Variants in NELL1 observed in about 807,000 individuals in gnomAD.
NELL1 encodes the protein protein kinase C-binding protein NELL1.
Under a neutral mutation model 107.4 loss-of-function variants are expected in NELL1, and 76 were observed. That is an observed-to-expected ratio of 0.71 (90% CI 0.59 to 0.86). The LOEUF is 0.86. NELL1 is among the 40% of genes least tolerant of loss of function. The pLI, the probability that NELL1 is intolerant of heterozygous loss-of-function variation, is 0.00. For missense variants in NELL1, 1,024 were observed against 1,005.5 expected (o/e 1.02, Z -0.25); for synonymous variants, 353 against 341.2 (o/e 1.03, Z -0.38).
Position 21,012,849 on chromosome 11 carries a change from A to G in NELL1, c.1300+52289A>G, listed in dbSNP as rs535979941. Among the ~76,000 whole-genome samples the G allele has an allele frequency of 4.1e-4, 62 of 152,218 alleles. No homozygotes were observed. In the South Asian group the frequency reaches 7.2e-3, roughly 18 times the overall value. ...CTGATCCATCAGAATGCAGGGTCTG[A>G]AAAATACCTCAAACACCAATCTTAG... On this transcript the variant is annotated intron_variant, in intron 12 of 19. Transcript: ENST00000357134.
intron 14 of NELL1, among the ~76,000 whole-genome samples, chr11:21,299,968 A>C (rs2133970434): frequency 6.6e-6 from 1 of 152,178 alleles, no homozygotes; most frequent in African/African-American, 2.4e-5. Flanking sequence ...AGCTTAAGTA[A>C]TAAACAGGAC....
At chr11:21,353,827 GA>G (rs1850870167) in intron 14 of NELL1, among the ~76,000 whole-genome samples, 1 of 152,084 alleles carries the variant, frequency 6.6e-6, no homozygotes, top group Admixed American at 6.6e-5. Context: ...TTCAAACATG[GA>G]ATTAAAAGTA....
intron 13 of NELL1, among the ~76,000 whole-genome samples, chr11:21,124,993 T>C (rs1855457389): frequency 6.6e-6 from 1 of 152,028 alleles, no homozygotes; most frequent in Non-Finnish European, 1.5e-5. Flanking sequence ...ACCTAATCAC[T>C]CCCAAGGCCC....
At chr11:21,520,576 A>G (rs1855695426) in intron 15 of NELL1, among the ~76,000 whole-genome samples, 1 of 152,172 alleles carries the variant, frequency 6.6e-6, no homozygotes, top group South Asian at 2.1e-4. Flanking sequence ...AATATTGCTT[A>G]GTTGCATGGA....
intron 2 of NELL1, among the ~76,000 whole-genome samples, chr11:20,698,823 T>A (rs1453427918): frequency 2.0e-5 from 3 of 152,152 alleles, no homozygotes; most frequent in Admixed American, 1.3e-4. Flanking sequence ...GTCCCCGAAG[T>A]CCATTATATT....
At chr11:20,733,705 A>G (rs1855697867) in intron 2 of NELL1, among the ~76,000 whole-genome samples, 2 of 152,248 alleles carry the variant, frequency 1.3e-5, no homozygotes, top group Admixed American at 1.3e-4. Context: ...AAATCAGAAG[A>G]GAGAGAAAAC....
chr11:20,986,253 G>A (rs1851850594), intron 12 of NELL1, among the ~76,000 whole-genome samples: 1 of 152,150 alleles, frequency 6.6e-6, no homozygotes, highest in Non-Finnish European at 1.5e-5. Flanking sequence ...GTTAGATCAG[G>A]ACTTTTCAGA....
chr11:20,866,871 C>T (rs572412817), intron 4 of NELL1, among the ~76,000 whole-genome samples: 19 of 152,168 alleles, frequency 1.2e-4, no homozygotes, highest in Non-Finnish European at 2.2e-4. Context: ...ATCAGCTCCT[C>T]GAACTTATTT....
chr11:21,522,585 T>G (rs1164434487), intron 15 of NELL1, among the ~76,000 whole-genome samples: 2 of 151,430 alleles, frequency 1.3e-5, no homozygotes, highest in Non-Finnish European at 2.9e-5. Flanking sequence ...GGAGGGGAGG[T>G]GGATGATGAG....
chr11:21,526,507 A>G (rs1855859611), intron 15 of NELL1, among the ~76,000 whole-genome samples: 1 of 152,200 alleles, frequency 6.6e-6, no homozygotes, highest in African/African-American at 2.4e-5. Flanking sequence ...GGGAGTCTGT[A>G]TGGGGGCTCC....
intron 4 of NELL1, among the ~76,000 whole-genome samples, chr11:20,862,266 C>T (rs1255188715): frequency 3.3e-5 from 5 of 150,638 alleles, no homozygotes. Flanking sequence ...AAGCTAATAC[C>T]AGTATCTGGT....
At chr11:20,674,417 C>G (rs1853998248) in intron 1 of NELL1, 1 of 1,209,132 alleles carries the variant, frequency 8.3e-7, no homozygotes, top group South Asian at 1.3e-5. Context: ...TCCCCGAGTC[C>G]TCATGAGTCT....
intron 15 of NELL1, among the ~76,000 whole-genome samples, chr11:21,531,350 C>G (rs1449348952): frequency 6.6e-6 from 1 of 152,048 alleles, no homozygotes; most frequent in Non-Finnish European, 1.5e-5. Context: ...TGTAAATAAT[C>G]CTTTCTTGAT....
chr11:20,680,114 C>T (rs76062984), intron 2 of NELL1, among the ~76,000 whole-genome samples: 5,511 of 152,104 alleles, frequency 0.036, 351 homozygotes, highest in African/African-American at 0.13. Flanking sequence ...TGATTATATT[C>T]GGCTCACCTA....
chr11:21,407,693 C>T (rs1564879849), intron 15 of NELL1, among the ~76,000 whole-genome samples: 1 of 134,120 alleles, frequency 7.5e-6, no homozygotes, highest in East Asian at 2.2e-4. Flanking sequence ...CTCCAAATTA[C>T]CTTTTTTTTT....
intron 13 of NELL1, among the ~76,000 whole-genome samples, chr11:21,147,836 C>CA (rs35688285): frequency 0.22 from 6,488 of 28,974 alleles, 1,548 homozygotes; most frequent in East Asian, 0.31. Context: ...AACTCCGTCT[C>CA]AAAAAAAAAA....
chr11:21,021,710 A>G (rs1416929346), intron 12 of NELL1, among the ~76,000 whole-genome samples: 1 of 152,094 alleles, frequency 6.6e-6, no homozygotes, highest in Non-Finnish European at 1.5e-5. Flanking sequence ...TGATAGGCCC[A>G]TTTGCAAATC....
chr11:20,711,364 T>A (rs1489263175), intron 2 of NELL1, among the ~76,000 whole-genome samples: 1 of 152,194 alleles, frequency 6.6e-6, no homozygotes, highest in African/African-American at 2.4e-5. Context: ...GTCAAGCATT[T>A]AGGCCATTCA....
chr11:20,759,036 C>T (rs1191437310), intron 2 of NELL1, among the ~76,000 whole-genome samples: 3 of 152,168 alleles, frequency 2.0e-5, no homozygotes, highest in South Asian at 2.1e-4. Context: ...AATTTTATCC[C>T]ATCTTACAGA....
Sources: allele counts gnomAD v4.1 joint callset (sites outside exome capture counted in the v4.1 genomes callset), GRCh38; gene constraint gnomAD v4.1.1; transcripts MANE v1.5; gene names NCBI Gene and HGNC (gene_info 2026-07-23, HGNC 2026-07-21).